WWP2: variants seen among roughly 807,000 people sequenced by gnomAD.
The protein encoded by WWP2 is WW domain containing E3 ubiquitin protein ligase 2, also known as NEDD4-like E3 ubiquitin-protein ligase WWP2.
A neutral mutation model predicts 121.0 loss-of-function variants in WWP2; 57 were observed. The observed-to-expected ratio is 0.47, with a 90% CI of 0.38 to 0.59. The LOEUF (loss-of-function observed/expected upper bound fraction) is 0.59. WWP2 is among the 20% of genes least tolerant of loss of function. WWP2 has a pLI of 0.00. For missense variants in WWP2, 962 were observed against 1,158.9 expected, an observed-to-expected ratio of 0.83 and a Z score of 2.47; for synonymous variants, 449 against 441.3, an observed-to-expected ratio of 1.02 and a Z score of -0.22.
At chr16:69,863,206 C>A (rs72785024) in intron 6 of WWP2, among the ~76,000 whole-genome samples, 8,380 of 152,244 alleles carry the variant, frequency 0.055, 287 homozygotes, top group Middle Eastern at 0.11. Context: ...AACTTTTGCT[C>A]ACTTTTACAT....
intron 4 of WWP2, among the ~76,000 whole-genome samples, chr16:69,802,606 T>G (rs1229888354): frequency 7.5e-4 from 2 of 2,650 alleles, no homozygotes; most frequent in South Asian, 0.019. Flanking sequence ...TTCCTTTTGT[T>G]TTTTTTTTTT....
At chr16:69,795,156 A>T (rs2056002531) in intron 2 of WWP2, among the ~76,000 whole-genome samples, 1 of 152,134 alleles carries the variant, frequency 6.6e-6, no homozygotes. Flanking sequence ...GGATCGCTTC[A>T]GCCAGGTAGG....
intron 4 of WWP2, among the ~76,000 whole-genome samples, chr16:69,815,746 C>T (rs1470554653): frequency 6.7e-6 from 1 of 149,188 alleles, no homozygotes; most frequent in Non-Finnish European, 1.5e-5. Context: ...GAGATCGCCC[C>T]ATTGCACTCC....
At chr16:69,769,282 A>G (rs1206305832) in intron 1 of WWP2, among the ~76,000 whole-genome samples, 1 of 139,306 alleles carries the variant, frequency 7.2e-6, no homozygotes. Context: ...TGCACCACTC[A>G]CTCCAGCCTG....
chr16:69,909,604 A>C, intron 9 of WWP2: 2 of 985,376 alleles, frequency 2.0e-6, no homozygotes, highest in Non-Finnish European at 2.4e-6. Flanking sequence ...TACCTCCTGG[A>C]GGATGAAACT....
intron 8 of WWP2, among the ~76,000 whole-genome samples, chr16:69,908,470 A>C (rs1426660863): frequency 6.6e-6 from 1 of 152,190 alleles, no homozygotes; most frequent in Non-Finnish European, 1.5e-5. Flanking sequence ...TTTTTTAAAA[A>C]ATCCATGGAA....
chr16:69,931,463 A>G (rs762976959), intron 14 of WWP2, 46 bp from the exon 15 acceptor site: 1 of 1,608,204 alleles, frequency 6.2e-7, no homozygotes, highest in East Asian at 2.2e-5. Flanking sequence ...AGAACAGATG[A>G]CCACTTGAGG....
intron 8 of WWP2, among the ~76,000 whole-genome samples, chr16:69,904,377 CTTTT>C (rs538245676): frequency 1.5e-5 from 2 of 137,392 alleles, no homozygotes; most frequent in Non-Finnish European, 1.6e-5. Flanking sequence ...TGCGCATTTT[CTTTT>C]TTTTTTTTTT....
intron 2 of WWP2, among the ~76,000 whole-genome samples, chr16:69,789,261 G>A (rs1235747171): frequency 2.0e-5 from 3 of 151,820 alleles, no homozygotes; most frequent in African/African-American, 7.3e-5. Flanking sequence ...ATGGAGTCTC[G>A]CTCTGTTGCT....
At chr16:69,808,654 G>A (rs1226529950) in intron 4 of WWP2, among the ~76,000 whole-genome samples, 1 of 152,206 alleles carries the variant, frequency 6.6e-6, no homozygotes, top group Non-Finnish European at 1.5e-5. Context: ...TGCCTGCCTC[G>A]GCCTCCCAAA....
chr16:69,939,314 G>A (rs371612337), intron 22 of WWP2, 27 bp from the exon 23 acceptor site: 66 of 1,613,882 alleles, frequency 4.1e-5, no homozygotes, highest in African/African-American at 5.3e-5. Context: ...CTCTGCTGAC[G>A]TCGGCGTGTT....
intron 11 of WWP2, among the ~76,000 whole-genome samples, chr16:69,926,525 G>A (rs778701541): frequency 5.5e-4 from 84 of 152,166 alleles, no homozygotes; most frequent in Non-Finnish European, 7.6e-4. Flanking sequence ...GGATCTTCTC[G>A]ATGCAGACAC....
At chr16:69,786,672 A>C (rs1425564697) in intron 1 of WWP2, among the ~76,000 whole-genome samples, 1 of 151,520 alleles carries the variant, frequency 6.6e-6, no homozygotes, top group Non-Finnish European at 1.5e-5. Context: ...GCTGGTCTCA[A>C]ACTCCTGACC....
At chr16:69,838,316 A>G (rs1215003499) in intron 4 of WWP2, among the ~76,000 whole-genome samples, 2 of 152,056 alleles carry the variant, frequency 1.3e-5, no homozygotes, top group Non-Finnish European at 2.9e-5. Flanking sequence ...GCTCTCAGGG[A>G]CTAGAACTGT....
intron 4 of WWP2, among the ~76,000 whole-genome samples, chr16:69,832,569 TCTCA>T (rs112514360): frequency 3.3e-5 from 5 of 152,130 alleles, no homozygotes; most frequent in African/African-American, 1.2e-4. Flanking sequence ...TGAGACAGAG[TCTCA>T]CTCCATCACT....
At chr16:69,886,000 G>A (rs866141748) in intron 7 of WWP2, among the ~76,000 whole-genome samples, 21 of 152,324 alleles carry the variant, frequency 1.4e-4, no homozygotes, top group Admixed American at 3.3e-4. Context: ...AGATGATCGG[G>A]AAAGGGGGGT....
chr16:69,869,068 A>T (rs1363436369), intron 6 of WWP2, among the ~76,000 whole-genome samples: 1 of 152,028 alleles, frequency 6.6e-6, no homozygotes, highest in Non-Finnish European at 1.5e-5. Flanking sequence ...TTGTATTTTT[A>T]GTAGAGATGG....
At chr16:69,870,043 A>T (rs1213513466) in intron 6 of WWP2, among the ~76,000 whole-genome samples, 1 of 152,166 alleles carries the variant, frequency 6.6e-6, no homozygotes, top group Non-Finnish European at 1.5e-5. Flanking sequence ...CTGACCTAAG[A>T]GCCTAGGCTC....
chr16:69,766,060 A>G (rs1481677926), intron 1 of WWP2, among the ~76,000 whole-genome samples: 1 of 152,116 alleles, frequency 6.6e-6, no homozygotes, highest in East Asian at 1.9e-4. Flanking sequence ...ATTGCCCACA[A>G]TATCTTCACG....
Sources: gnomAD v4.1 joint callset for allele counts (sites outside exome capture counted in the v4.1 genomes callset) on GRCh38, gnomAD v4.1.1 for gene constraint, MANE v1.5 for transcripts, NCBI Gene and HGNC (gene_info 2026-07-23, HGNC 2026-07-21) for gene names.